CLASP1: variants seen among roughly 807,000 people sequenced by gnomAD.
The protein encoded by CLASP1 is cytoplasmic linker associated protein 1.
Under a neutral mutation model 192.3 loss-of-function variants are expected in CLASP1, and 38 were observed. The ratio of observed to expected loss-of-function variants is 0.20; its 90% CI spans 0.15 to 0.26. The LOEUF (loss-of-function observed/expected upper bound fraction) is 0.26, where lower values mean the gene tolerates loss of function less well. Among genes scored for constraint, CLASP1 ranks in the 10% least tolerant of loss-of-function variants. CLASP1 has a pLI of 1.00. For synonymous variants in CLASP1, 691 were observed against 712.8 expected, an observed-to-expected ratio of 0.97 and a Z score of 0.49; for missense variants, 1,433 against 1,932.5, an observed-to-expected ratio of 0.74 and a Z score of 4.85.
intron 8 of CLASP1, among the ~76,000 whole-genome samples, chr2:121,485,566 A>G (rs1244827465): frequency 1.3e-5 from 2 of 152,140 alleles, no homozygotes; most frequent in Non-Finnish European, 2.9e-5. Context: ...CAAATTTTGT[A>G]TTTTAAAGAC....
intron 19 of CLASP1, among the ~76,000 whole-genome samples, chr2:121,439,077 G>A (rs2149711155): frequency 6.6e-6 from 1 of 150,690 alleles, no homozygotes; most frequent in Non-Finnish European, 1.5e-5. Flanking sequence ...ATGTGTCCAG[G>A]AATTTATCCA....
chr2:121,533,669 T>G (rs2094959377), intron 2 of CLASP1, among the ~76,000 whole-genome samples: 1 of 152,248 alleles, frequency 6.6e-6, no homozygotes, highest in South Asian at 2.1e-4. Flanking sequence ...TCTTTAAATT[T>G]GTTGTAATTT....
chr2:121,531,204 T>G (rs1553616420), intron 2 of CLASP1, among the ~76,000 whole-genome samples: 2 of 152,142 alleles, frequency 1.3e-5, no homozygotes, highest in Non-Finnish European at 2.9e-5. Context: ...ACGCCGATCA[T>G]CAACTGTTCT....
intron 20 of CLASP1, among the ~76,000 whole-genome samples, chr2:121,428,563 T>C (rs1417919963): frequency 1.3e-5 from 2 of 152,176 alleles, no homozygotes; most frequent in African/African-American, 2.4e-5. Context: ...AGCCAAGAAG[T>C]TGTTCCCACG....
intron 34 of CLASP1, among the ~76,000 whole-genome samples, chr2:121,372,144 T>C (rs2068879386): frequency 6.6e-6 from 1 of 152,270 alleles, no homozygotes; most frequent in African/African-American, 2.4e-5. Flanking sequence ...TCTTTTAGGT[T>C]AAAATAGAAC....
At chr2:121,468,436 C>A (rs572509744) in intron 9 of CLASP1, among the ~76,000 whole-genome samples, 13 of 152,238 alleles carry the variant, frequency 8.5e-5, no homozygotes, top group African/African-American at 2.4e-4. Context: ...TTGTTTGTAT[C>A]GTCTCTGATC....
intron 2 of CLASP1, among the ~76,000 whole-genome samples, chr2:121,535,558 G>T (rs545370624): frequency 1.3e-5 from 2 of 151,846 alleles, no homozygotes; most frequent in African/African-American, 4.8e-5. Flanking sequence ...GAATAGGCAA[G>T]AGAGAATAGA....
chr2:121,530,077 G>C (rs959336923), intron 3 of CLASP1, among the ~76,000 whole-genome samples, 170 bp downstream of exon 3: 5 of 152,068 alleles, frequency 3.3e-5, no homozygotes, highest in Middle Eastern at 3.4e-3. Context: ...GAGTGCTTAG[G>C]GGGGCTGCGG....
At chr2:121,551,004 C>T (rs2057991389) in intron 2 of CLASP1, among the ~76,000 whole-genome samples, 1 of 152,144 alleles carries the variant, frequency 6.6e-6, no homozygotes, top group South Asian at 2.1e-4. Flanking sequence ...AGGAGCACAT[C>T]AAAAAGCTAA....
chr2:121,400,619 C>A (rs956941584), intron 28 of CLASP1, among the ~76,000 whole-genome samples: 1 of 152,210 alleles, frequency 6.6e-6, no homozygotes, highest in African/African-American at 2.4e-5. Context: ...CCTGGATTTG[C>A]GTTCCCAAAC....
chr2:121,432,061 A>G (rs1222130200), intron 19 of CLASP1, among the ~76,000 whole-genome samples: 3 of 151,746 alleles, frequency 2.0e-5, no homozygotes, highest in Admixed American at 6.6e-5. Flanking sequence ...CCACTAGTCA[A>G]TGTGTCCATA....
intron 20 of CLASP1, among the ~76,000 whole-genome samples, chr2:121,429,774 G>GCATTA (rs1356594460): frequency 7.9e-5 from 12 of 152,182 alleles, no homozygotes; most frequent in Admixed American, 7.9e-4. Context: ...GCAAAAATGA[G>GCATTA]TCACAGAACA....
chr2:121,491,936 T>G (rs778835503), intron 8 of CLASP1, among the ~76,000 whole-genome samples: 1 of 152,238 alleles, frequency 6.6e-6, no homozygotes, highest in Admixed American at 6.5e-5. Flanking sequence ...AAACCCTTGA[T>G]AAATCCTTAT....
intron 1 of CLASP1, among the ~76,000 whole-genome samples, chr2:121,636,529 G>A (rs1397754503): frequency 1.3e-5 from 2 of 149,908 alleles, no homozygotes; most frequent in Non-Finnish European, 3.0e-5. Context: ...GCAGGGTGAG[G>A]TGGCTCATGC....
At chr2:121,621,562 A>G (rs1368681954) in intron 1 of CLASP1, among the ~76,000 whole-genome samples, 1 of 152,190 alleles carries the variant, frequency 6.6e-6, no homozygotes, top group South Asian at 2.1e-4. Flanking sequence ...ATTTGTTGAA[A>G]AAGATTATTC....
intron 37 of CLASP1, among the ~76,000 whole-genome samples, chr2:121,355,685 T>C (rs1216839185): frequency 5.9e-5 from 9 of 152,122 alleles, no homozygotes; most frequent in Admixed American, 3.3e-4. Context: ...CTATGTAACA[T>C]AAGAAGCAAA....
At chr2:121,400,737 A>G (rs1338839592) in intron 28 of CLASP1, among the ~76,000 whole-genome samples, 2 of 152,200 alleles carry the variant, frequency 1.3e-5, no homozygotes, top group South Asian at 2.1e-4. Flanking sequence ...GAATTATTCC[A>G]GTTTGTAGTA....
chr2:121,615,119 CA>C (rs1647005077), intron 1 of CLASP1, among the ~76,000 whole-genome samples: 2 of 152,080 alleles, frequency 1.3e-5, no homozygotes, highest in African/African-American at 2.4e-5. Flanking sequence ...GTGGGCAGAT[CA>C]CCTGAGGTCA....
At chr2:121,455,046 T>C (rs2086329203) in intron 14 of CLASP1, among the ~76,000 whole-genome samples, 2 of 152,342 alleles carry the variant, frequency 1.3e-5, no homozygotes, top group Admixed American at 6.5e-5. Flanking sequence ...CCCTCTGGCA[T>C]GCCAACTTTA....
Sources: allele counts gnomAD v4.1 joint callset (sites outside exome capture counted in the v4.1 genomes callset), GRCh38; gene constraint gnomAD v4.1.1; transcripts MANE v1.5; gene names NCBI Gene and HGNC (gene_info 2026-07-23, HGNC 2026-07-21).